The following ADAMTS2 variants were observed in gnomAD, a reference collection of about 807,000 sequenced individuals.
ADAMTS2 encodes ADAM metallopeptidase with thrombospondin type 1 motif 2.
In ADAMTS2, 50 loss-of-function variants were observed where a neutral mutation model predicts 123.0. That is an observed-to-expected ratio of 0.41 (90% confidence interval 0.32 to 0.51). The LOEUF is 0.51. Among genes scored for constraint, ADAMTS2 ranks in the 20% least tolerant of loss-of-function variants. The pLI, the probability that ADAMTS2 is intolerant of heterozygous loss-of-function variation, is 0.35. For synonymous variants in ADAMTS2, 678 were observed against 695.4 expected, an observed-to-expected ratio of 0.98 and a Z score of 0.39; for missense variants, 1,494 against 1,705.2, an observed-to-expected ratio of 0.88 and a Z score of 2.18.
At position 179,189,516 on chromosome 5, in the gene ADAMTS2, T is replaced by C. The variant is rs1180874998; in HGVS notation, c.892-8361A>G. 1.8e-4 allele frequency among the ~76,000 whole-genome samples: 25 copies of C among 136,848 alleles called. No homozygotes were observed. The highest frequency in any genetic ancestry group is 5.5e-4 in the African/African-American group (20 of 36,592). The allele number at this position is 136,848 out of a possible 152,430, so 89.8% of individuals were successfully genotyped here. A position where few individuals can be genotyped will look rare whatever the true frequency, so the allele number is the denominator to read the frequency against. On this transcript the variant is annotated intron_variant, in intron 4 of 21. Coordinates refer to ENST00000251582, the MANE Select transcript of ADAMTS2 (RefSeq NM_014244.5). The surrounding 1 kb of genome is among the most constrained non-coding windows in gnomAD (Gnocchi z 4.2). The stretch of plus-strand genomic sequence containing the variant: ...GCGCCCGCCAGTGCGCCTGGTTTTT[T>C]TTTTTTTTTTTTTTTTTTTTTTAGT...
chr5:179,295,283 C>T (rs1561700607), intron 2 of ADAMTS2, among the ~76,000 whole-genome samples: 1 of 152,236 alleles, frequency 6.6e-6, no homozygotes, highest in South Asian at 2.1e-4. Flanking sequence ...CCCTGTCCTA[C>T]AGCCCAGTAG....
chr5:179,194,167 G>A (rs558742040), intron 4 of ADAMTS2, among the ~76,000 whole-genome samples: 1 of 147,224 alleles, frequency 6.8e-6, no homozygotes, highest in Non-Finnish European at 1.5e-5. Context: ...GGAGGTCTGC[G>A]GAGGAGGGAG....
chr5:179,263,353 TCCC>T (rs371809000), intron 3 of ADAMTS2, among the ~76,000 whole-genome samples: 12,590 of 138,488 alleles, frequency 0.091, 838 homozygotes, highest in Non-Finnish European at 0.14. Context: ...GCAGCATTAT[TCCC>T]CCATGATTTG....
chr5:179,248,980 T>A, intron 3 of ADAMTS2, among the ~76,000 whole-genome samples: 1 of 150,554 alleles, frequency 6.6e-6, no homozygotes, highest in African/African-American at 2.5e-5. Flanking sequence ...ATAGGTCATA[T>A]GTTAGGTCAC....
At chr5:179,207,484 C>T (rs1301099625) in intron 4 of ADAMTS2, 29 bp downstream of exon 4, 2 of 1,098,782 alleles carry the variant, frequency 1.8e-6, no homozygotes, top group Admixed American at 1.7e-5. Context: ...CTCCCCGCCC[C>T]ACCCTGCCCC....
intron 5 of ADAMTS2, among the ~76,000 whole-genome samples, chr5:179,159,349 C>A (rs570025475): frequency 6.6e-6 from 1 of 152,174 alleles, no homozygotes; most frequent in Non-Finnish European, 1.5e-5. Context: ...CCAGAGGAAG[C>A]AGATCACCTT....
In ADAMTS2 at chr5:179,189,510, G is replaced by GCTTTTTT. The variant is rs1554128903; in HGVS notation, c.892-8356_892-8355insAAAAAAG. On this transcript the variant is annotated intron_variant, in intron 4 of 21. Coordinates refer to ENST00000251582, the MANE Select transcript of ADAMTS2 (RefSeq NM_014244.5). The surrounding 1 kb of genome is among the most constrained non-coding windows in gnomAD (Gnocchi z 4.2). ...CTACAGGCGCCCGCCAGTGCGCCTG[G>GCTTTTTT]TTTTTTTTTTTTTTTTTTTTTTTTT... Among the ~76,000 whole-genome samples the GCTTTTTT allele has an allele frequency of 0.069, 5,443 of 78,964 alleles. 1,177 individuals are homozygous for GCTTTTTT. The highest frequency in any genetic ancestry group is 0.11 in the South Asian group (242 of 2,198). 51.8% of individuals were successfully genotyped at this position (78,964 alleles called of 152,430 possible). A position where few individuals can be genotyped will look rare whatever the true frequency, so the allele number is the denominator to read the frequency against.
chr5:179,298,737 G>C (rs529933258), intron 2 of ADAMTS2, among the ~76,000 whole-genome samples: 2 of 152,216 alleles, frequency 1.3e-5, no homozygotes, highest in African/African-American at 4.8e-5. Flanking sequence ...GATCTGCGCT[G>C]GTTAGGGGTG....
chr5:179,316,439 G>T (rs1454863115), intron 2 of ADAMTS2, among the ~76,000 whole-genome samples: 1 of 152,172 alleles, frequency 6.6e-6, no homozygotes, highest in Non-Finnish European at 1.5e-5. Flanking sequence ...AGCTCAGGGG[G>T]TCATTGCATG....
intron 5 of ADAMTS2, among the ~76,000 whole-genome samples, chr5:179,168,845 A>G (rs1259976406): frequency 1.3e-5 from 2 of 152,180 alleles, no homozygotes; most frequent in South Asian, 2.1e-4. Flanking sequence ...TTACAGATCA[A>G]ATCTCATCAC....
chr5:179,120,280 C>T (rs1013215243), intron 21 of ADAMTS2: 1 of 152,152 alleles, frequency 6.6e-6, no homozygotes, highest in Admixed American at 6.5e-5. Flanking sequence ...TTGGCACACG[C>T]TAACGTCTCA....
At chr5:179,244,867 C>T (rs1240625503) in intron 3 of ADAMTS2, among the ~76,000 whole-genome samples, 2 of 152,162 alleles carry the variant, frequency 1.3e-5, no homozygotes, top group Non-Finnish European at 2.9e-5. Context: ...TATATGTACT[C>T]TCCTCTCTTT....
Position 179,114,199 on chromosome 5 carries a change from C to T in ADAMTS2, c.3304G>A (p.Val1102Met), listed in dbSNP as rs762648423. 19 of 1,611,764 alleles carry T rather than the reference C, an allele frequency of 1.2e-5. No individual in the cohort carries two copies. Among genetic ancestry groups the T allele is most frequent in the East Asian group, 6.7e-5 (3 of 44,858 alleles). The change falls in exon 22 of 22, where the codon GTG becomes ATG. Residue 1102 changes from valine (V) to methionine (M), a missense_variant. Val to Met is a conservative substitution (Grantham distance 21). This residue lies in a region of ADAMTS2 where 953 missense variants were observed against 1,124.7 expected (regional missense o/e 0.85). Coordinates refer to ENST00000251582, the MANE Select transcript of ADAMTS2 (RefSeq NM_014244.5). ...SCNLYNNLTN[V>M]EGRIEPPPGK... ...GGCGGTGGCTCTATCCTGCCCTCCACGTTGGTGAGGTTGTTGTACAGGTTA... is the reference window on the plus strand; with the variant it reads ...GGCGGTGGCTCTATCCTGCCCTCCATGTTGGTGAGGTTGTTGTACAGGTTA...
chr5:179,131,686 C>T (rs1448713713), intron 15 of ADAMTS2, among the ~76,000 whole-genome samples: 1 of 152,044 alleles, frequency 6.6e-6, no homozygotes, highest in East Asian at 1.9e-4. Flanking sequence ...TCCCAGGCAG[C>T]GCTGCTTCGT....
intron 3 of ADAMTS2, among the ~76,000 whole-genome samples, chr5:179,254,827 T>C (rs1766008436): frequency 6.6e-6 from 1 of 152,224 alleles, no homozygotes; most frequent in African/African-American, 2.4e-5. Context: ...TTTGTCATGG[T>C]TCATCTGGGA....
intron 3 of ADAMTS2, among the ~76,000 whole-genome samples, chr5:179,224,457 A>G (rs113257104): frequency 9.8e-5 from 15 of 152,354 alleles, no homozygotes; most frequent in African/African-American, 3.6e-4. Flanking sequence ...CATGTTGAAC[A>G]GAGAGAAACG....
chr5:179,266,231 G>A (rs777083962), intron 3 of ADAMTS2, among the ~76,000 whole-genome samples: 5 of 152,192 alleles, frequency 3.3e-5, no homozygotes, highest in Non-Finnish European at 7.3e-5. Context: ...ACCCCCGGAC[G>A]TCCATGTCCT....
intron 3 of ADAMTS2, among the ~76,000 whole-genome samples, chr5:179,213,828 A>G (rs951390964): frequency 5.3e-5 from 8 of 152,230 alleles, no homozygotes; most frequent in African/African-American, 1.9e-4. Context: ...AATACAAAAG[A>G]TACGAAACTT....
chr5:179,206,727 C>T (rs1009994836), intron 4 of ADAMTS2, among the ~76,000 whole-genome samples: 1 of 152,204 alleles, frequency 6.6e-6, no homozygotes, highest in African/African-American at 2.4e-5. Flanking sequence ...TGGCTCTGAC[C>T]ACATGAGGCA....
Sources: gnomAD v4.1 joint callset for allele counts (sites outside exome capture counted in the v4.1 genomes callset) on GRCh38, gnomAD v4.1.1 for gene constraint, gnomAD v4.1.1 regional missense constraint, Gnocchi (gnomAD v3.1) non-coding constraint, MANE v1.5 for transcripts, NCBI Gene and HGNC (gene_info 2026-07-23, HGNC 2026-07-21) for gene names.